SLIT3: variants seen among roughly 807,000 people sequenced by gnomAD.
The protein encoded by SLIT3 is slit guidance ligand 3.
Under a neutral mutation model 184.0 loss-of-function variants are expected in SLIT3, and 68 were observed. The observed-to-expected ratio is 0.37, with a 90% CI of 0.30 to 0.45. The LOEUF is 0.45. Among genes scored for constraint, SLIT3 ranks in the 20% least tolerant of loss-of-function variants. The probability of loss-of-function intolerance (pLI) is 1.00; values close to 1 mark genes in which losing one functional copy is unlikely to be tolerated. For missense variants in SLIT3, 1,707 were observed against 2,026.0 expected (o/e 0.84, Z 3.02); for synonymous variants, 831 against 828.6 (o/e 1.00, Z -0.05).
chr5:168,806,658 C>T, intron 8 of SLIT3, 71 bp from the exon 9 acceptor site: 1 of 1,573,528 alleles, frequency 6.4e-7, no homozygotes, highest in Non-Finnish European at 8.7e-7. Context: ...TGTCCTTAAC[C>T]AGCATCCTAA....
intron 4 of SLIT3, among the ~76,000 whole-genome samples, chr5:168,890,676 G>T (rs1417221100): frequency 6.6e-6 from 1 of 152,222 alleles, no homozygotes; most frequent in Non-Finnish European, 1.5e-5. Flanking sequence ...ATATAGGAGA[G>T]AAAGAAGTGG....
At chr5:169,015,931 AACACACACACAC>A (rs3138760) in intron 4 of SLIT3, among the ~76,000 whole-genome samples, 2,128 of 120,366 alleles carry the variant, frequency 0.018, 55 homozygotes, top group African/African-American at 0.052. Context: ...GAAAAATATA[AACACACACACAC>A]ACACACACAC....
intron 4 of SLIT3, among the ~76,000 whole-genome samples, chr5:168,969,855 G>A (rs959997927): frequency 7.2e-5 from 11 of 152,220 alleles, no homozygotes; most frequent in Admixed American, 2.0e-4. Flanking sequence ...TTAACAGCAA[G>A]CTTAGCTAAT....
At chr5:168,782,159 A>G (rs1450678479) in intron 12 of SLIT3, among the ~76,000 whole-genome samples, 2 of 152,158 alleles carry the variant, frequency 1.3e-5, no homozygotes, top group Non-Finnish European at 2.9e-5. Context: ...GAGAGCCTCA[A>G]ATGGTCTTGT....
At chr5:168,992,628 G>A (rs1755366418) in intron 4 of SLIT3, among the ~76,000 whole-genome samples, 1 of 152,196 alleles carries the variant, frequency 6.6e-6, no homozygotes, top group African/African-American at 2.4e-5. Context: ...GGTTGGAAAG[G>A]AAGGCCTGGG....
At chr5:168,798,967 A>G (rs1756672056) in intron 9 of SLIT3, among the ~76,000 whole-genome samples, 1 of 152,236 alleles carries the variant, frequency 6.6e-6, no homozygotes, top group Non-Finnish European at 1.5e-5. Context: ...CTCAAAGCCA[A>G]GTTCATCTGA....
rs1414467436 is a variant in SLIT3 at position 169,233,957 on chromosome 5, G to C, written c.341+10748C>G. The stretch of plus-strand genomic sequence containing the variant: ...ACCATCAACTTCGATGTTTGCTGTA[G>C]GTTTTTTAGGTAAAGAATTTCCCTT... On this transcript the variant is annotated intron_variant, in intron 3 of 35. Coordinates refer to ENST00000519560, the MANE Select transcript of SLIT3 (RefSeq NM_003062.4). 2.0e-5 allele frequency among the ~76,000 whole-genome samples: 3 copies of C among 152,052 alleles called. No homozygotes were observed. In the East Asian group the frequency reaches 5.8e-4, roughly 29 times the overall value.
At chr5:168,987,039 T>G (rs1755155389) in intron 4 of SLIT3, among the ~76,000 whole-genome samples, 1 of 152,080 alleles carries the variant, frequency 6.6e-6, no homozygotes, top group Non-Finnish European at 1.5e-5. Context: ...CAGAGCGAGA[T>G]TCCATCTCAA....
chr5:169,081,002 G>GCA (rs1759015748), intron 4 of SLIT3, among the ~76,000 whole-genome samples: 1 of 152,198 alleles, frequency 6.6e-6, no homozygotes, highest in Admixed American at 6.5e-5. Context: ...AGGAACAAAT[G>GCA]CACAGAGAGC....
chr5:168,762,699 G>A lies in SLIT3; in HGVS notation c.1460-10C>T. 1.2e-6 allele frequency: 2 copies of A among 1,611,480 alleles called. No individual in the cohort carries two copies. Among genetic ancestry groups the A allele is most frequent in the Non-Finnish European group, 1.7e-6 (2 of 1,178,426 alleles). On this transcript the variant is annotated splice_polypyrimidine_tract_variant and intron_variant, in intron 14 of 35. Coordinates refer to ENST00000519560, the MANE Select transcript of SLIT3 (RefSeq NM_003062.4). ...CGGTAATCCTCGGAGCCTGGGAGGGGCCAAAGAGGGGACGTCAGCGTCACC... is the reference window on the plus strand; with the variant it reads ...CGGTAATCCTCGGAGCCTGGGAGGGACCAAAGAGGGGACGTCAGCGTCACC...
intron 4 of SLIT3, among the ~76,000 whole-genome samples, chr5:169,190,246 G>C (rs1763507693): frequency 6.6e-6 from 1 of 152,218 alleles, no homozygotes; most frequent in African/African-American, 2.4e-5. Context: ...CAGGAACATT[G>C]ACCAAGGCCC....
In SLIT3 at chr5:168,712,341, T is replaced by C; in HGVS notation, c.2497A>G (p.Asn833Asp). Residue 833 changes from asparagine to aspartate, a missense_variant, in exon 24 of 36, where the codon AAT (asparagine) becomes GAT (aspartate). This residue lies in a region of SLIT3 where 1,307 missense variants were observed against 1,511.6 expected (regional missense o/e 0.86). Coordinates refer to ENST00000519560, the MANE Select transcript of SLIT3 (RefSeq NM_003062.4). Reference sequence around the variant, plus strand: ...CCTTCAGGAACGCTGGAAATGTCATTGCCATGGAGGGTTCTGAAGCAGAGG... The same window carrying C: ...CCTTCAGGAACGCTGGAAATGTCATCGCCATGGAGGGTTCTGAAGCAGAGG... ...RSLRVLTLHG[N>D]DISSVPEGSF... The C allele has an allele frequency of 3.7e-6, 6 of 1,614,156 alleles. No homozygotes were observed. Among genetic ancestry groups the C allele is most frequent in the Non-Finnish European group, 5.1e-6 (6 of 1,180,000 alleles).
chr5:169,025,349 G>A lies in SLIT3; in HGVS notation c.414-142013C>T, dbSNP rs553141979. ...TCGTACCAGAAGGTACTTACTGAAAGTCTCCTTCCAACATCTCTGGCCTAT... is the reference window on the plus strand; with the variant it reads ...TCGTACCAGAAGGTACTTACTGAAAATCTCCTTCCAACATCTCTGGCCTAT... On this transcript the variant is annotated intron_variant, in intron 4 of 35. Coordinates refer to ENST00000519560, the MANE Select transcript of SLIT3 (RefSeq NM_003062.4). 2.0e-5 allele frequency among the ~76,000 whole-genome samples: 3 copies of A among 152,320 alleles called. No homozygotes were observed. The South Asian group carries it at 6.2e-4, about 32-fold the overall frequency.
At chr5:168,817,264 T>C in intron 8 of SLIT3, 36 bp downstream of exon 8, 1 of 1,606,648 alleles carries the variant, frequency 6.2e-7, no homozygotes, top group South Asian at 1.1e-5. Flanking sequence ...GGGTGGGTCA[T>C]AGCACAGGAG....
intron 5 of SLIT3, among the ~76,000 whole-genome samples, chr5:168,873,655 C>T (rs957862434): frequency 2.0e-5 from 3 of 152,020 alleles, no homozygotes; most frequent in South Asian, 4.2e-4. Context: ...AGATAATACA[C>T]GTGAAGGCTG....
intron 4 of SLIT3, among the ~76,000 whole-genome samples, chr5:169,091,520 A>G (rs961234384): frequency 6.6e-6 from 1 of 152,368 alleles, no homozygotes; most frequent in East Asian, 1.9e-4. Flanking sequence ...GCTGGAAGCT[A>G]AACAGCACAC....
At chr5:168,953,232 T>C (rs146164273) in intron 4 of SLIT3, among the ~76,000 whole-genome samples, 26 of 152,330 alleles carry the variant, frequency 1.7e-4, no homozygotes, top group African/African-American at 5.1e-4. Context: ...GGATGCTTCT[T>C]CCACGCCCAT....
chr5:169,002,345 A>AAAAAAAAAG (rs1755739695), intron 4 of SLIT3, among the ~76,000 whole-genome samples: 3 of 145,430 alleles, frequency 2.1e-5, no homozygotes, highest in African/African-American at 7.6e-5. Flanking sequence ...AAAAAAAAAA[A>AAAAAAAAAG]AAAAAAAAAA....
At chr5:168,849,964 G>A (rs748763133) in intron 5 of SLIT3, among the ~76,000 whole-genome samples, 11 of 151,854 alleles carry the variant, frequency 7.2e-5, no homozygotes, top group Non-Finnish European at 1.0e-4. Flanking sequence ...ATCTAGAAGC[G>A]CTTTTGAAGG....
Sources: allele counts gnomAD v4.1 joint callset (sites outside exome capture counted in the v4.1 genomes callset), GRCh38; gene constraint gnomAD v4.1.1; regional missense constraint gnomAD v4.1.1; transcripts MANE v1.5; gene names NCBI Gene and HGNC (gene_info 2026-07-23, HGNC 2026-07-21).